OVCH1: variants seen among roughly 807,000 people sequenced by gnomAD.
OVCH1 encodes ovochymase 1, also known as ovochymase-1.
OVCH1 carries 139 observed loss-of-function variants against 138.4 expected under a neutral mutation model. The ratio of observed to expected loss-of-function variants is 1.00; its 90% CI spans 0.87 to 1.16. The LOEUF (loss-of-function observed/expected upper bound fraction) is 1.16, where lower values mean the gene tolerates loss of function less well. OVCH1 is among the 50% of genes most tolerant of loss of function. OVCH1 has a pLI of 0.00. For missense variants in OVCH1, 1,367 were observed against 1,357.9 expected (o/e 1.01, Z -0.11); for synonymous variants, 453 against 467.8 (o/e 0.97, Z 0.41).
chr12:29,491,754 A>T (rs1332175783), intron 4 of OVCH1, among the ~76,000 whole-genome samples: 1 of 152,238 alleles, frequency 6.6e-6, no homozygotes, highest in Admixed American at 6.5e-5. Context: ...GTATCTAGAC[A>T]TTGCTGAAAA....
chr12:29,466,595 G>A (rs1257272956), intron 16 of OVCH1, among the ~76,000 whole-genome samples: 1 of 152,164 alleles, frequency 6.6e-6, no homozygotes, highest in East Asian at 1.9e-4. Context: ...ACTTTTAGGG[G>A]AGTGATGACT....
chr12:29,486,795 T>C (rs961148566), intron 7 of OVCH1: 4 of 395,248 alleles, frequency 1.0e-5, no homozygotes, highest in Non-Finnish European at 2.0e-5. Context: ...AAATGAACCA[T>C]TAATGTCTGA....
At chr12:29,461,799 C>T (rs752115820) in intron 19 of OVCH1, 55 bp downstream of exon 19, 1 of 1,604,640 alleles carries the variant, frequency 6.2e-7, no homozygotes, top group Admixed American at 1.7e-5. Flanking sequence ...TCTATAGAAA[C>T]TCTTCAGCAG....
At chr12:29,412,053 T>A (rs1410741412), downstream of OVCH1, among the ~76,000 whole-genome samples, 1 of 152,042 alleles carries the variant, frequency 6.6e-6, no homozygotes, top group South Asian at 2.1e-4. Context: ...TGCTGTTTGA[T>A]CTCAGACTGC....
chr12:29,482,713 T>C (rs2136055811), intron 8 of OVCH1, among the ~76,000 whole-genome samples: 1 of 152,372 alleles, frequency 6.6e-6, no homozygotes, highest in Admixed American at 6.5e-5. Context: ...TTTGAGTTTC[T>C]ATATGCGATG....
intron 15 of OVCH1, among the ~76,000 whole-genome samples, chr12:29,472,512 C>T (rs1415378015): frequency 1.3e-5 from 2 of 152,190 alleles, no homozygotes; most frequent in Non-Finnish European, 2.9e-5. Flanking sequence ...AAGCACTAAT[C>T]TCTAGGAAGC....
At chr12:29,481,272 G>C (rs1254286181) in intron 8 of OVCH1, among the ~76,000 whole-genome samples, 1 of 152,062 alleles carries the variant, frequency 6.6e-6, no homozygotes, top group Non-Finnish European at 1.5e-5. Flanking sequence ...TGGTGACTCA[G>C]CCTTATATGA....
chr12:29,475,315 C>A, intron 13 of OVCH1, 126 bp from the exon 14 acceptor site: 1 of 622,374 alleles, frequency 1.6e-6, no homozygotes, highest in Non-Finnish European at 2.6e-6. Flanking sequence ...TTGTATGCAC[C>A]CTTACATCTC....
At chr12:29,446,374 T>C (rs555331069) in intron 22 of OVCH1, among the ~76,000 whole-genome samples, 9 of 152,250 alleles carry the variant, frequency 5.9e-5, no homozygotes, top group African/African-American at 1.9e-4. Context: ...TAATATTTAT[T>C]TGTAGCAAAT....
intron 3 of OVCH1, among the ~76,000 whole-genome samples, chr12:29,415,811 T>C (rs1941023954): frequency 6.6e-6 from 1 of 152,134 alleles, no homozygotes; most frequent in Non-Finnish European, 1.5e-5. Context: ...TATTTTAAAA[T>C]TTATACGAGA....
intron 8 of OVCH1, among the ~76,000 whole-genome samples, 195 bp from the exon 10 acceptor site, chr12:29,479,163 T>G (rs1170824647): frequency 6.6e-6 from 1 of 152,156 alleles, no homozygotes; most frequent in African/African-American, 2.4e-5. Context: ...AATAGATGAG[T>G]ATTAATTGGA....
chr12:29,487,894 CA>C lies in OVCH1; in HGVS notation c.703-13del. The C allele has an allele frequency of 4.4e-6, 7 of 1,588,520 alleles. No homozygotes were observed. Among genetic ancestry groups the C allele is most frequent in the Admixed American group, 1.9e-5 (1 of 53,180 alleles). ...CCTCCAGAGTCCCCCTTTCATGGTA[CA>C]AAAAAAGAGAAAATTTGAAAATAGC... On this transcript the variant is annotated splice_polypyrimidine_tract_variant and intron_variant, in intron 6 of 27. Coordinates refer to ENST00000318184, the Ensembl canonical transcript of OVCH1.
chr12:29,413,585 C>A (rs1295637055), intron 3 of OVCH1, among the ~76,000 whole-genome samples: 1 of 152,004 alleles, frequency 6.6e-6, no homozygotes, highest in Non-Finnish European at 1.5e-5. Context: ...TGTATTTAAA[C>A]ATTCACATTT....
chr12:29,491,155 A>T (rs750165028), exon 5 of OVCH1: 1 of 1,613,802 alleles, frequency 6.2e-7, no homozygotes, highest in South Asian at 1.1e-5. Context: ...CAACTTTATC[A>T]TCGCTGTCAG....
At chr12:29,496,838 C>G (rs1298929769) in intron 1 of OVCH1, among the ~76,000 whole-genome samples, 164 bp from the exon 2 acceptor site, 1 of 152,238 alleles carries the variant, frequency 6.6e-6, no homozygotes, top group African/African-American at 2.4e-5. Context: ...GAATATCCCA[C>G]AGTCACCTGG....
At chr12:29,483,949 T>C (rs913348422) in intron 8 of OVCH1, among the ~76,000 whole-genome samples, 4 of 152,212 alleles carry the variant, frequency 2.6e-5, no homozygotes, top group African/African-American at 7.2e-5. Flanking sequence ...AGTGTGCACT[T>C]TCTTGGATGG....
chr12:29,486,439 AATT>A, intron 7 of OVCH1, 91 bp from the exon 8 acceptor site: 2 of 1,015,974 alleles, frequency 2.0e-6, no homozygotes, highest in South Asian at 3.2e-5. Flanking sequence ...GAATATGAAG[AATT>A]ATAACTTCTA....
chr12:29,466,948 G>A (rs1444368540), intron 16 of OVCH1, among the ~76,000 whole-genome samples: 1 of 152,138 alleles, frequency 6.6e-6, no homozygotes, highest in Non-Finnish European at 1.5e-5. Context: ...ATTTAAAGGT[G>A]AAGATTCTTA....
chr12:29,483,661 C>A lies in OVCH1; in HGVS notation c.995+2585G>T, dbSNP rs12824448. ...ATTGTTGTCCAGTCACAGTGGGATACTCAAAACCCAAAAAACCCCAATCTT... is the reference window on the plus strand; with the variant it reads ...ATTGTTGTCCAGTCACAGTGGGATAATCAAAACCCAAAAAACCCCAATCTT... On this transcript the variant is annotated intron_variant, in intron 8 of 27. Coordinates refer to ENST00000318184, the Ensembl canonical transcript of OVCH1. Among the ~76,000 whole-genome samples the A allele has an allele frequency of 6.8e-3, 1,031 of 152,248 alleles. 4 individuals carry two copies. The highest frequency in any genetic ancestry group is 0.01 in the Non-Finnish European group (711 of 68,016).
Sources: gnomAD v4.1 joint callset for allele counts (sites outside exome capture counted in the v4.1 genomes callset) on GRCh38, gnomAD v4.1.1 for gene constraint, MANE v1.5 for transcripts, NCBI Gene and HGNC (gene_info 2026-07-23, HGNC 2026-07-21) for gene names.